Variants in HPSE2 observed in about 807,000 individuals in gnomAD.
HPSE2 encodes heparanase 2 (inactive).
In HPSE2, 38 loss-of-function variants were observed where a neutral mutation model predicts 60.5. The observed-to-expected ratio is 0.63, with a 90% CI of 0.48 to 0.82. HPSE2 has a LOEUF of 0.82. Ranked by LOEUF, HPSE2 falls within the 40% of genes least tolerant of loss-of-function variation. The pLI, the probability that HPSE2 is intolerant of heterozygous loss-of-function variation, is 0.00. For missense variants in HPSE2, 713 were observed against 740.4 expected (o/e 0.96, Z 0.43); for synonymous variants, 295 against 293.2 (o/e 1.01, Z -0.06).
chr10:98,905,574 G>A (rs1181388003), intron 3 of HPSE2, among the ~76,000 whole-genome samples: 1 of 152,076 alleles, frequency 6.6e-6, no homozygotes, highest in Non-Finnish European at 1.5e-5. Context: ...CTATAGGTAT[G>A]GATATACCCA....
intron 9 of HPSE2, among the ~76,000 whole-genome samples, chr10:98,604,903 G>C (rs1336104814): frequency 6.6e-6 from 1 of 152,202 alleles, no homozygotes; most frequent in African/African-American, 2.4e-5. Context: ...GTTGGTGTCA[G>C]AATGTGGAAT....
intron 7 of HPSE2, among the ~76,000 whole-genome samples, chr10:98,628,695 G>GT (rs1277722364): frequency 1.3e-5 from 2 of 152,268 alleles, no homozygotes; most frequent in Admixed American, 6.5e-5. Flanking sequence ...TAAAGGGCCA[G>GT]TGGCTGCTCT....
intron 3 of HPSE2, among the ~76,000 whole-genome samples, chr10:99,025,969 T>C (rs1404494181): frequency 6.6e-6 from 1 of 151,394 alleles, no homozygotes; most frequent in East Asian, 1.9e-4. Flanking sequence ...AAACGTACAA[T>C]GGATACAAAA....
At chr10:99,306,500 CA>C in the HPSE2 span, among the ~76,000 whole-genome samples, 130,301 of 151,934 alleles carry the variant, frequency 0.86, 56,265 homozygotes, top group African/African-American at 0.93. Flanking sequence ...TGTTACCCCC[CA>C]AAAAAACCTC....
intron 3 of HPSE2, among the ~76,000 whole-genome samples, chr10:99,116,479 A>G (rs1482821515): frequency 1.3e-5 from 2 of 152,164 alleles, no homozygotes; most frequent in African/African-American, 2.4e-5. Context: ...CCAAGATCAA[A>G]GCAATGCAAA....
At chr10:98,626,389 A>C (rs1490408110) in intron 7 of HPSE2, among the ~76,000 whole-genome samples, 1 of 152,148 alleles carries the variant, frequency 6.6e-6, no homozygotes, top group Non-Finnish European at 1.5e-5. Context: ...AATAATTTTT[A>C]TTCATTCATT....
chr10:98,651,703 A>G (rs565121538), intron 6 of HPSE2, among the ~76,000 whole-genome samples: 5 of 152,288 alleles, frequency 3.3e-5, no homozygotes, highest in African/African-American at 1.2e-4. Context: ...ACAAAGAGAA[A>G]GAAAGATGAC....
the HPSE2 span, among the ~76,000 whole-genome samples, chr10:99,268,626 A>G: frequency 6.6e-6 from 1 of 150,730 alleles, no homozygotes; most frequent in South Asian, 2.1e-4. Context: ...AGCATTGGCA[A>G]CAGAGAAAGA....
chr10:99,153,650 GA>G (rs1363763452), intron 2 of HPSE2, among the ~76,000 whole-genome samples: 1 of 152,114 alleles, frequency 6.6e-6, no homozygotes, highest in Non-Finnish European at 1.5e-5. Context: ...CAAAGATGGG[GA>G]AAAAACAGAG....
At chr10:99,185,383 G>C (rs2133844925) in intron 2 of HPSE2, among the ~76,000 whole-genome samples, 1 of 152,080 alleles carries the variant, frequency 6.6e-6, no homozygotes, top group Middle Eastern at 3.4e-3. Context: ...GAAGAGATAA[G>C]AAGAAAACAA....
Position 99,078,829 on chromosome 10 carries a change from C to T in HPSE2, c.610+65409G>A, listed in dbSNP as rs151225243. On this transcript the variant is annotated intron_variant, in intron 3 of 11. Transcript: ENST00000370552. Reference sequence around the variant, plus strand: ...GACTGGCCTTGTATAGGTAAAGGCCCTCTTCAATCAGCCTAGCTAGAAATT... The same window carrying T: ...GACTGGCCTTGTATAGGTAAAGGCCTTCTTCAATCAGCCTAGCTAGAAATT... Among the ~76,000 whole-genome samples the T allele has an allele frequency of 3.2e-3, 491 of 152,262 alleles. 3 individuals are homozygous for T. Among genetic ancestry groups the T allele is most frequent in the African/African-American group, 0.011 (461 of 41,558 alleles).
At chr10:99,114,840 G>A (rs1844611663) in intron 3 of HPSE2, among the ~76,000 whole-genome samples, 1 of 150,680 alleles carries the variant, frequency 6.6e-6, no homozygotes, top group African/African-American at 2.4e-5. Flanking sequence ...CGTGAACCCG[G>A]GAGGCAGAGC....
At chr10:99,057,840 C>G (rs950872232) in intron 3 of HPSE2, among the ~76,000 whole-genome samples, 5 of 152,200 alleles carry the variant, frequency 3.3e-5, no homozygotes, top group African/African-American at 1.2e-4. Context: ...CGCCCCTCTT[C>G]CTGTTTCTTT....
intron 3 of HPSE2, among the ~76,000 whole-genome samples, chr10:98,754,450 A>G (rs778645541): frequency 7.2e-5 from 11 of 152,034 alleles, no homozygotes; most frequent in Non-Finnish European, 1.3e-4. Flanking sequence ...GATTTTTTCC[A>G]TGAAAAATTC....
chr10:98,804,367 T>C (rs921226155), intron 3 of HPSE2, among the ~76,000 whole-genome samples: 6 of 152,042 alleles, frequency 3.9e-5, no homozygotes, highest in Non-Finnish European at 2.9e-5. Context: ...GAGAAAATGT[T>C]TGCAAACTCC....
chr10:98,944,371 T>C (rs560087990), intron 3 of HPSE2, among the ~76,000 whole-genome samples: 2 of 152,248 alleles, frequency 1.3e-5, no homozygotes, highest in Admixed American at 1.3e-4. Flanking sequence ...ACTCTGGGGC[T>C]TTAGTTTTCT....
At chr10:99,221,488 G>A (rs145614791) in intron 2 of HPSE2, among the ~76,000 whole-genome samples, 251 of 152,234 alleles carry the variant, frequency 1.6e-3, no homozygotes, top group South Asian at 0.013. Context: ...ACATAAAGCA[G>A]AATACGAAAA....
intron 3 of HPSE2, among the ~76,000 whole-genome samples, chr10:99,015,334 T>C (rs1184687464): frequency 6.6e-6 from 1 of 152,260 alleles, no homozygotes; most frequent in East Asian, 1.9e-4. Flanking sequence ...ATCCAAAGGA[T>C]TATAAATCAT....
chr10:98,528,723 GC>G lies in HPSE2; in HGVS notation c.1321-38528del, dbSNP rs1943045148. Reference sequence around the variant, plus strand: ...CTATTATGTGTCAGCCGGAAGGGCAGCCTTTCCGAGGGAAGTGCTGTGCATT... The same window carrying G: ...CTATTATGTGTCAGCCGGAAGGGCAGCTTTCCGAGGGAAGTGCTGTGCATT... On this transcript the variant is annotated intron_variant, in intron 9 of 11. Coordinates refer to ENST00000370552, the MANE Select transcript of HPSE2 (RefSeq NM_021828.5). Among the ~76,000 whole-genome samples the G allele has an allele frequency of 7.9e-5, 12 of 152,366 alleles. No homozygotes were observed. In the South Asian group the frequency reaches 2.5e-3, roughly 32 times the overall value.
Sources: allele counts gnomAD v4.1 joint callset (sites outside exome capture counted in the v4.1 genomes callset), GRCh38; gene constraint gnomAD v4.1.1; transcripts MANE v1.5; gene names NCBI Gene and HGNC (gene_info 2026-07-23, HGNC 2026-07-21).